PTK2: variants seen among roughly 807,000 people sequenced by gnomAD.
The protein encoded by PTK2 is focal adhesion kinase 1.
Under a neutral mutation model 150.1 loss-of-function variants are expected in PTK2, and 45 were observed. The observed-to-expected ratio is 0.30, with a 90% CI of 0.24 to 0.38. The LOEUF (loss-of-function observed/expected upper bound fraction) is 0.38, where lower values mean the gene tolerates loss of function less well. PTK2 is among the 10% of genes least tolerant of loss of function. The pLI is 1.00. For missense variants in PTK2, 919 were observed against 1,307.3 expected (o/e 0.70, Z 4.58); for synonymous variants, 432 against 449.2 (o/e 0.96, Z 0.48).
intron 27 of PTK2, among the ~76,000 whole-genome samples, chr8:140,676,151 C>T (rs558472813): frequency 7.2e-4 from 109 of 151,954 alleles, no homozygotes; most frequent in African/African-American, 2.5e-3. Context: ...TCAAAATGGG[C>T]GATAACCTTA....
intron 26 of PTK2, among the ~76,000 whole-genome samples, chr8:140,693,566 A>T (rs1172364584): frequency 0.15 from 1,703 of 11,208 alleles, 393 homozygotes; most frequent in Non-Finnish European, 0.29. Context: ...GTCTCAATTA[A>T]AAAAAAAAAA....
chr8:140,668,162 T>C (rs1262971460), intron 30 of PTK2, 107 bp downstream of exon 34: 8 of 1,312,718 alleles, frequency 6.1e-6, no homozygotes, highest in Non-Finnish European at 8.6e-6. Flanking sequence ...AAAGCATCAG[T>C]TCTGACTTTG....
chr8:140,846,215 T>G (rs779211628), intron 7 of PTK2, 45 bp downstream of exon 7: 2 of 1,440,980 alleles, frequency 1.4e-6, no homozygotes. Flanking sequence ...ACTAAGAATT[T>G]AGTTCTGCAT....
rs115748863 is a variant in PTK2, at chr8:140,944,463, G to A, written c.-121-18714C>T. ...GTAAGGAAATGGAGAACTTGATACT[G>A]CCACGAGGAATCTTGGACTGTCTTC... On this transcript the variant is annotated intron_variant, in intron 1 of 31. Transcript: ENST00000522684. Among the ~76,000 whole-genome samples the A allele has an allele frequency of 5.9e-3, 892 of 152,302 alleles. 13 individuals are homozygous for A. Among genetic ancestry groups the A allele is most frequent in the African/African-American group, 0.02 (816 of 41,562 alleles).
chr8:140,704,626 C>T (rs1485074343), intron 24 of PTK2, among the ~76,000 whole-genome samples: 1 of 152,142 alleles, frequency 6.6e-6, no homozygotes, highest in African/African-American at 2.4e-5. Flanking sequence ...CTTTCCATAC[C>T]AGCCAGGCAC....
intron 1 of PTK2, among the ~76,000 whole-genome samples, chr8:140,943,444 T>C (rs576259964): frequency 5.2e-5 from 8 of 152,382 alleles, no homozygotes; most frequent in Non-Finnish European, 1.2e-4. Flanking sequence ...TAGGATTCCA[T>C]TGTATAGGTG....
intron 1 of PTK2, among the ~76,000 whole-genome samples, chr8:140,980,818 T>G (rs1447601868): frequency 6.7e-6 from 1 of 148,614 alleles, no homozygotes; most frequent in Non-Finnish European, 1.5e-5. Context: ...TGGCGCAATC[T>G]TGGCTCACTG....
intron 22 of PTK2, among the ~76,000 whole-genome samples, chr8:140,722,060 G>A (rs1432138023): frequency 6.6e-6 from 1 of 152,228 alleles, no homozygotes; most frequent in Non-Finnish European, 1.5e-5. Flanking sequence ...GTAAATGGAT[G>A]AATAAAGCCC....
intron 10 of PTK2, 106 bp downstream of exon 10, chr8:140,818,171 G>C: frequency 1.8e-6 from 2 of 1,089,584 alleles, no homozygotes; most frequent in Middle Eastern, 2.0e-4. Context: ...CAGTGCAATA[G>C]GAAAATTTAA....
intron 1 of PTK2, chr8:140,948,767 A>G (rs1432257768): frequency 6.6e-6 from 1 of 152,216 alleles, no homozygotes; most frequent in Non-Finnish European, 1.5e-5. Context: ...ATCTATACCA[A>G]GCATGTACTG....
intron 16 of PTK2, among the ~76,000 whole-genome samples, chr8:140,755,844 C>T (rs1301531987): frequency 1.3e-5 from 2 of 152,020 alleles, no homozygotes; most frequent in African/African-American, 2.4e-5. Flanking sequence ...ATTTATGCCA[C>T]GTTACATTTT....
chr8:140,662,974 C>T, intron 31 of PTK2: 1 of 410,768 alleles, frequency 2.4e-6, no homozygotes, highest in Non-Finnish European at 4.3e-6. Flanking sequence ...AAAGCAACAC[C>T]ACGTGCAAAG....
intron 8 of PTK2, among the ~76,000 whole-genome samples, chr8:140,820,076 G>GTGT (rs2100107276): frequency 6.0e-5 from 3 of 50,254 alleles, no homozygotes; most frequent in South Asian, 7.6e-4. Flanking sequence ...TCTGACTTTG[G>GTGT]TTTTTTTTTT....
At chr8:140,696,393 C>T (rs141313305) in intron 26 of PTK2, among the ~76,000 whole-genome samples, 6 of 152,102 alleles carry the variant, frequency 3.9e-5, no homozygotes, top group Non-Finnish European at 5.9e-5. Flanking sequence ...GGGGAGAGAA[C>T]GCAGTAGTGC....
intron 1 of PTK2, among the ~76,000 whole-genome samples, chr8:140,988,945 G>A (rs1373221303): frequency 2.6e-5 from 4 of 151,818 alleles, no homozygotes; most frequent in Admixed American, 2.6e-4. Context: ...AAGATAAAAT[G>A]CAAAATTATT....
chr8:140,792,179 G>C (rs1295638816), intron 13 of PTK2, among the ~76,000 whole-genome samples: 2 of 152,210 alleles, frequency 1.3e-5, no homozygotes, highest in South Asian at 2.1e-4. Context: ...CCCCTGACAG[G>C]TATGGTACAC....
chr8:140,847,930 C>T (rs1466694930), intron 5 of PTK2, among the ~76,000 whole-genome samples: 7 of 152,126 alleles, frequency 4.6e-5, no homozygotes, highest in South Asian at 2.1e-4. Context: ...TCATTATGAC[C>T]GTCCCTTGCA....
chr8:140,939,137 A>C, intron 1 of PTK2, among the ~76,000 whole-genome samples: 1 of 152,244 alleles, frequency 6.6e-6, no homozygotes, highest in East Asian at 1.9e-4. Flanking sequence ...AGTCTGAACA[A>C]TCTTCCAGAT....
At chr8:140,679,694 T>A (rs1026592432) in intron 27 of PTK2, among the ~76,000 whole-genome samples, 6 of 152,204 alleles carry the variant, frequency 3.9e-5, no homozygotes, top group African/African-American at 1.4e-4. Context: ...TGTCAACCTG[T>A]GTATTAAAGT....
Sources: allele counts gnomAD v4.1 joint callset (sites outside exome capture counted in the v4.1 genomes callset), GRCh38; gene constraint gnomAD v4.1.1; transcripts MANE v1.5; gene names NCBI Gene and HGNC (gene_info 2026-07-23, HGNC 2026-07-21).